The following FBXO10 variants were observed in gnomAD, a reference collection of about 807,000 sequenced individuals.
FBXO10 encodes F-box protein 10, also known as F-box only protein 10.
In FBXO10, 39 loss-of-function variants were observed where a neutral mutation model predicts 80.7. The observed-to-expected ratio is 0.48, with a 90% confidence interval of 0.37 to 0.63. The LOEUF is 0.63. Among genes scored for constraint, FBXO10 ranks in the 30% least tolerant of loss-of-function variants. The pLI is 0.00. For synonymous variants in FBXO10, 449 were observed against 489.6 expected (o/e 0.92, Z 1.09); for missense variants, 1,025 against 1,269.0 (o/e 0.81, Z 2.92).
intron 9 of FBXO10, 147 bp downstream of exon 9, chr9:37,517,978 T>A: frequency 1.2e-6 from 1 of 865,130 alleles, no homozygotes; most frequent in South Asian, 1.8e-5. Flanking sequence ...CCCACCCACA[T>A]TTCCCAGGCT....
At chr9:37,530,356 C>T (rs12337555) in intron 4 of FBXO10, among the ~76,000 whole-genome samples, 5,059 of 152,244 alleles carry the variant, frequency 0.033, 278 homozygotes, top group African/African-American at 0.11. Context: ...AGAGAAGTCC[C>T]GCACAGGGCT....
intron 1 of FBXO10, among the ~76,000 whole-genome samples, chr9:37,542,977 T>G (rs1385566780): frequency 6.6e-6 from 1 of 152,116 alleles, no homozygotes; most frequent in Non-Finnish European, 1.5e-5. Context: ...CTCTATCTCT[T>G]TACACTATTA....
chr9:37,511,033 G>A lies in FBXO10; in HGVS notation c.*1514C>T, dbSNP rs1392006996. 2.0e-5 allele frequency: 3 copies of A among 152,664 alleles called. No homozygotes were observed. Among genetic ancestry groups the A allele is most frequent in the Admixed American group, 6.5e-5 (1 of 15,274 alleles). 9.5% of individuals were successfully genotyped at this position (152,664 alleles called of 1,614,324 possible). A position where few individuals can be genotyped will look rare whatever the true frequency, so the allele number is the denominator to read the frequency against. On this transcript the variant is annotated 3_prime_UTR_variant, in exon 11 of 11. Coordinates refer to ENST00000432825, the MANE Select transcript of FBXO10 (RefSeq NM_012166.3). ...ATTGGGGCCACCAAACAAGTGCAAA[G>A]GACAGTGCCAGGGATAGAAGAGGCC...
chr9:37,544,365 A>G (rs1588845325), intron 1 of FBXO10, among the ~76,000 whole-genome samples: 1 of 152,066 alleles, frequency 6.6e-6, no homozygotes, highest in African/African-American at 2.4e-5. Flanking sequence ...CCTGGGAGGC[A>G]GAGGTTGCAG....
intron 3 of FBXO10, among the ~76,000 whole-genome samples, chr9:37,532,400 A>G (rs544057293): frequency 6.7e-6 from 1 of 149,328 alleles, no homozygotes; most frequent in African/African-American, 2.5e-5. Context: ...TCCCAGGCTC[A>G]CGTGATCCTC....
In FBXO10 at chr9:37,512,387, G is replaced by A; in HGVS notation, c.*160C>T. The A allele has an allele frequency of 1.6e-6, 1 of 613,010 alleles. No individual in the cohort carries two copies. The highest frequency in any genetic ancestry group is 2.7e-6 in the Non-Finnish European group (1 of 373,272). The allele number at this position is 613,010 out of a possible 1,614,324, so 38.0% of individuals were successfully genotyped here. On this transcript the variant is annotated 3_prime_UTR_variant, in exon 11 of 11. Transcript: ENST00000432825. ...ACATTGCCCACTTTCTTCTTGCTATGGGCTGTGGAGCTGAAGTGTTCTGGA... is the reference window on the plus strand; with the variant it reads ...ACATTGCCCACTTTCTTCTTGCTATAGGCTGTGGAGCTGAAGTGTTCTGGA...
intron 8 of FBXO10, among the ~76,000 whole-genome samples, chr9:37,521,073 T>C (rs1345903712): frequency 6.6e-6 from 1 of 152,122 alleles, no homozygotes; most frequent in East Asian, 1.9e-4. Flanking sequence ...GAGAAAGGCA[T>C]GAGTGAGGTC....
At chr9:37,534,300 T>C (rs961745274) in intron 3 of FBXO10, among the ~76,000 whole-genome samples, 1 of 152,158 alleles carries the variant, frequency 6.6e-6, no homozygotes, top group African/African-American at 2.4e-5. Context: ...AGAAAGAATA[T>C]ACACAAACAT....
chr9:37,565,966 G>C (rs1822593875), intron 1 of FBXO10, among the ~76,000 whole-genome samples: 1 of 152,200 alleles, frequency 6.6e-6, no homozygotes, highest in South Asian at 2.1e-4. Flanking sequence ...TGCAGCTCCA[G>C]GAGTCTGAAG....
At chr9:37,526,458 T>C (rs1821475350) in intron 5 of FBXO10, among the ~76,000 whole-genome samples, 1 of 152,172 alleles carries the variant, frequency 6.6e-6, no homozygotes, top group South Asian at 2.1e-4. Flanking sequence ...CTAATTATGA[T>C]ATTCCTCACC....
Position 37,535,947 on chromosome 9 carries a change from A to T in FBXO10, c.1419+1163T>A, listed in dbSNP as rs117780811. On this transcript the variant is annotated intron_variant, in intron 3 of 10. Transcript: ENST00000432825. ...GAAGAATGCCCTCCTTGAGGGCTTG[A>T]GCCAGATCCTTTCATCGTGGTAGTC... 21 of 152,338 alleles carry T rather than the reference A, an allele frequency of 1.4e-4. No homozygotes were observed. In the East Asian group the frequency reaches 3.9e-3, roughly 28 times the overall value. 9.4% of individuals were successfully genotyped at this position (152,338 alleles called of 1,614,324 possible). A position where few individuals can be genotyped will look rare whatever the true frequency, so the allele number is the denominator to read the frequency against.
intron 1 of FBXO10, among the ~76,000 whole-genome samples, chr9:37,562,941 G>A (rs887791259): frequency 3.9e-5 from 6 of 151,970 alleles, no homozygotes; most frequent in African/African-American, 1.5e-4. Flanking sequence ...CAATTCAAGG[G>A]GAAAAATGCT....
chr9:37,572,664 G>T (rs1157036596), intron 1 of FBXO10, among the ~76,000 whole-genome samples: 2 of 152,158 alleles, frequency 1.3e-5, no homozygotes, highest in African/African-American at 4.8e-5. Flanking sequence ...GCAAAAAAAT[G>T]ATTATCACAA....
At chr9:37,532,695 T>A (rs1405709181) in intron 3 of FBXO10, among the ~76,000 whole-genome samples, 1 of 152,184 alleles carries the variant, frequency 6.6e-6, no homozygotes, top group Non-Finnish European at 1.5e-5. Flanking sequence ...CCCTGTGCTC[T>A]ATATTCAGAA....
chr9:37,547,740 C>T (rs1025822353), intron 1 of FBXO10, among the ~76,000 whole-genome samples: 1 of 152,180 alleles, frequency 6.6e-6, no homozygotes, highest in Non-Finnish European at 1.5e-5. Flanking sequence ...GGGAGGACAG[C>T]TTGAGTCCAG....
At chr9:37,512,993 A>G (rs889311941) in intron 10 of FBXO10, among the ~76,000 whole-genome samples, 8 of 152,178 alleles carry the variant, frequency 5.3e-5, no homozygotes, top group African/African-American at 1.9e-4. Context: ...TCCCGCTTTG[A>G]GACACTCTGT....
intron 1 of FBXO10, among the ~76,000 whole-genome samples, chr9:37,559,064 C>T (rs1435984918): frequency 3.3e-5 from 5 of 152,158 alleles, no homozygotes; most frequent in Non-Finnish European, 7.3e-5. Context: ...CCGCCTCGGC[C>T]TCCCAGAGTG....
intron 1 of FBXO10, among the ~76,000 whole-genome samples, chr9:37,544,455 G>A (rs1474713819): frequency 6.6e-6 from 1 of 152,138 alleles, no homozygotes; most frequent in Non-Finnish European, 1.5e-5. Context: ...AGTAGGACTA[G>A]AAACAACTGA....
chr9:37,540,638 C>T (rs1343393169), intron 2 of FBXO10, among the ~76,000 whole-genome samples: 2 of 152,212 alleles, frequency 1.3e-5, no homozygotes, highest in Non-Finnish European at 2.9e-5. Context: ...TCTGGCTCTG[C>T]ATTCACGGAA....
Sources: gnomAD v4.1 joint callset for allele counts (sites outside exome capture counted in the v4.1 genomes callset) on GRCh38, gnomAD v4.1.1 for gene constraint, MANE v1.5 for transcripts, NCBI Gene and HGNC (gene_info 2026-07-23, HGNC 2026-07-21) for gene names.